NME8: variants seen among roughly 807,000 people sequenced by gnomAD.
The protein encoded by NME8 is NME/NM23 family member 8, also known as protein NME8.
In NME8, 72 loss-of-function variants were observed where a neutral mutation model predicts 82.3. The observed-to-expected ratio is 0.87, with a 90% CI of 0.72 to 1.06. The LOEUF (loss-of-function observed/expected upper bound fraction) is 1.06. Ranked by LOEUF, NME8 falls within the 50% of genes least tolerant of loss-of-function variation. The pLI is 0.00. For missense variants in NME8, 712 were observed against 685.4 expected (o/e 1.04, Z -0.43); for synonymous variants, 267 against 228.5 (o/e 1.17, Z -1.52).
chr7:37,880,416 G>T (rs1397365567), intron 12 of NME8, among the ~76,000 whole-genome samples: 1 of 152,096 alleles, frequency 6.6e-6, no homozygotes, highest in Non-Finnish European at 1.5e-5. Context: ...TTTTGAGAGG[G>T]TATTTCTAAT....
chr7:37,895,208 A>G (rs1785205360), intron 16 of NME8, among the ~76,000 whole-genome samples: 2 of 152,292 alleles, frequency 1.3e-5, no homozygotes, highest in South Asian at 4.1e-4. Context: ...TAACATAAAT[A>G]TTACGATAAG....
intron 5 of NME8, among the ~76,000 whole-genome samples, chr7:37,854,478 T>C (rs927874931): frequency 2.0e-5 from 3 of 152,158 alleles, no homozygotes; most frequent in African/African-American, 4.8e-5. Flanking sequence ...AATTTCTGTC[T>C]GACGTTTTTG....
At chr7:37,876,050 CA>C (rs1487305587) in intron 11 of NME8, among the ~76,000 whole-genome samples, 2 of 151,180 alleles carry the variant, frequency 1.3e-5, no homozygotes, top group African/African-American at 2.4e-5. Flanking sequence ...TACGAAAATA[CA>C]AAAAAAATAT....
At chr7:37,875,997 G>A (rs1477747311) in intron 11 of NME8, among the ~76,000 whole-genome samples, 1 of 152,098 alleles carries the variant, frequency 6.6e-6, no homozygotes, top group Non-Finnish European at 1.5e-5. Flanking sequence ...CACAAGGTCA[G>A]GAGATCGAGA....
chr7:37,874,688 A>C (rs941860764), intron 11 of NME8, among the ~76,000 whole-genome samples: 3 of 152,210 alleles, frequency 2.0e-5, no homozygotes, highest in Middle Eastern at 3.2e-3. Flanking sequence ...GAATATGGCT[A>C]TTAGGCTAAC....
In NME8 at chr7:37,883,178, C is replaced by T. The variant is rs535707818; in HGVS notation, c.995-1125C>T. Among the ~76,000 whole-genome samples the T allele has an allele frequency of 8.5e-5, 13 of 152,202 alleles. No individual in the cohort carries two copies. In the South Asian group the frequency reaches 2.5e-3, roughly 29 times the overall value. On this transcript the variant is annotated intron_variant, in intron 12 of 17. Coordinates refer to ENST00000199447, the MANE Select transcript of NME8 (RefSeq NM_016616.5). Reference sequence around the variant, plus strand: ...CTGAATATTTTTCCTGAGCTTTTATCGTGAGTCATTTCAAGAAGCTGTTAA... The same window carrying T: ...CTGAATATTTTTCCTGAGCTTTTATTGTGAGTCATTTCAAGAAGCTGTTAA...
At chr7:37,892,899 A>G (rs1294332257) in intron 15 of NME8, among the ~76,000 whole-genome samples, 1 of 149,360 alleles carries the variant, frequency 6.7e-6, no homozygotes, top group East Asian at 2.0e-4. Context: ...CTTTCTTCCT[A>G]CCTCCCTTCC....
At chr7:37,890,603 C>T (rs1465621516) in intron 15 of NME8, among the ~76,000 whole-genome samples, 1 of 151,916 alleles carries the variant, frequency 6.6e-6, no homozygotes, top group Non-Finnish European at 1.5e-5. Context: ...CTCTAGTGAG[C>T]ACCATTCTGC....
intron 5 of NME8, among the ~76,000 whole-genome samples, chr7:37,854,682 C>G (rs1419378689): frequency 6.6e-6 from 1 of 152,162 alleles, no homozygotes; most frequent in Non-Finnish European, 1.5e-5. Flanking sequence ...TACATCTTCT[C>G]CCTCATCGTC....
At chr7:37,887,311 C>T (rs1240436750) in intron 14 of NME8, among the ~76,000 whole-genome samples, 1 of 152,094 alleles carries the variant, frequency 6.6e-6, no homozygotes, top group African/African-American at 2.4e-5. Flanking sequence ...TTGTTGCTCA[C>T]CTGGAGGTTT....
intron 12 of NME8, among the ~76,000 whole-genome samples, chr7:37,882,606 A>AGAGG (rs1562838314): frequency 9.5e-5 from 5 of 52,604 alleles, no homozygotes; most frequent in South Asian, 6.2e-4. Context: ...AAAGAGAGAG[A>AGAGG]GAGAGAGAGA....
At chr7:37,898,802 A>G (rs958290383) in intron 17 of NME8, among the ~76,000 whole-genome samples, 4 of 152,158 alleles carry the variant, frequency 2.6e-5, no homozygotes, top group Non-Finnish European at 5.9e-5. Context: ...ATAATTGCAA[A>G]CCATGCAAAT....
In NME8 at chr7:37,897,018, G is replaced by A. The variant is rs957940664; in HGVS notation, c.1693G>A (p.Val565Ile). The A allele has an allele frequency of 6.2e-7, 1 of 1,613,796 alleles. No individual in the cohort carries two copies. Among genetic ancestry groups the A allele is most frequent in the African/African-American group, 1.3e-5 (1 of 74,886 alleles). Residue 565 changes from valine to isoleucine, a missense_variant, in exon 17 of 18, where the codon GTC becomes ATC. Transcript: ENST00000199447. ...TGGAATAAGTAAATTGAAAAACATT[G>A]TCCATGGAGCATCTAACGCCTATGA... ...QFGISKLKNI[V>I]HGASNAYEAK...
intron 12 of NME8, 107 bp downstream of exon 12, chr7:37,877,114 A>C: frequency 1.1e-6 from 1 of 881,412 alleles, no homozygotes; most frequent in Admixed American, 2.2e-5. Context: ...AACATTGAAG[A>C]AAACGCACCT....
At chr7:37,882,016 T>C (rs751473282) in intron 12 of NME8, among the ~76,000 whole-genome samples, 1 of 152,246 alleles carries the variant, frequency 6.6e-6, no homozygotes, top group Non-Finnish European at 1.5e-5. Flanking sequence ...AATTCAGTTT[T>C]TGTTGTTGGT....
At chr7:37,878,912 T>C (rs1462144206) in intron 12 of NME8, among the ~76,000 whole-genome samples, 1 of 152,156 alleles carries the variant, frequency 6.6e-6, no homozygotes, top group Admixed American at 6.5e-5. Flanking sequence ...TTTCACTCTT[T>C]ATTTTGTTCA....
chr7:37,884,739 G>A (rs563353834), intron 13 of NME8, among the ~76,000 whole-genome samples: 52 of 152,338 alleles, frequency 3.4e-4, no homozygotes, highest in African/African-American at 1.2e-3. Flanking sequence ...TTTAAGCAGA[G>A]AACTGACTGA....
chr7:37,891,151 T>A (rs1785123558), intron 15 of NME8, among the ~76,000 whole-genome samples: 1 of 152,002 alleles, frequency 6.6e-6, no homozygotes, highest in Non-Finnish European at 1.5e-5. Context: ...TGCTATTGAG[T>A]TTAGTTCCTT....
intron 10 of NME8, among the ~76,000 whole-genome samples, chr7:37,866,959 C>T (rs1158951235): frequency 6.6e-6 from 1 of 152,204 alleles, no homozygotes; most frequent in African/African-American, 2.4e-5. Context: ...CAATCAATAG[C>T]ATTCTTCTGA....
Sources: gnomAD v4.1 joint callset for allele counts (sites outside exome capture counted in the v4.1 genomes callset) on GRCh38, gnomAD v4.1.1 for gene constraint, MANE v1.5 for transcripts, NCBI Gene and HGNC (gene_info 2026-07-23, HGNC 2026-07-21) for gene names.